Variants in CNTNAP2 observed in about 807,000 individuals in gnomAD.
CNTNAP2 encodes the protein contactin-associated protein-like 2.
In CNTNAP2, 98 loss-of-function variants were observed where a neutral mutation model predicts 155.2. The ratio of observed to expected loss-of-function variants is 0.63; its 90% confidence interval spans 0.54 to 0.75. The LOEUF (loss-of-function observed/expected upper bound fraction) is 0.75, where lower values mean the gene tolerates loss of function less well. CNTNAP2 is among the 30% of genes least tolerant of loss of function. CNTNAP2 has a pLI of 0.00. For missense variants in CNTNAP2, 1,727 were observed against 1,688.1 expected (o/e 1.02, Z -0.40); for synonymous variants, 651 against 631.2 (o/e 1.03, Z -0.47).
intron 13 of CNTNAP2, among the ~76,000 whole-genome samples, chr7:147,780,569 C>G (rs1488308633): frequency 6.6e-6 from 1 of 152,090 alleles, no homozygotes; most frequent in South Asian, 2.1e-4. Flanking sequence ...TTTGAATTAT[C>G]AAAATGACAT....
At chr7:147,403,512 A>G (rs889554805) in intron 10 of CNTNAP2, among the ~76,000 whole-genome samples, 17 of 152,180 alleles carry the variant, frequency 1.1e-4, no homozygotes, top group African/African-American at 4.1e-4. Flanking sequence ...GATCACACCA[A>G]CCAGCAGACA....
At chr7:146,638,293 T>A (rs925684788) in intron 1 of CNTNAP2, among the ~76,000 whole-genome samples, 13 of 152,064 alleles carry the variant, frequency 8.5e-5, no homozygotes, top group African/African-American at 3.1e-4. Flanking sequence ...TCCTTGAGGC[T>A]CTGACAAATG....
At chr7:146,186,088 T>A (rs1054373580) in intron 1 of CNTNAP2, among the ~76,000 whole-genome samples, 7 of 152,130 alleles carry the variant, frequency 4.6e-5, no homozygotes, top group African/African-American at 1.7e-4. Flanking sequence ...TTGTTAAGGA[T>A]TGTAATCACT....
chr7:146,964,703 G>T (rs1797621614), intron 3 of CNTNAP2, among the ~76,000 whole-genome samples: 1 of 152,094 alleles, frequency 6.6e-6, no homozygotes, highest in Non-Finnish European at 1.5e-5. Flanking sequence ...TACAGCAGGG[G>T]TTCACAAACT....
chr7:146,402,994 C>T (rs1795736546), intron 1 of CNTNAP2, among the ~76,000 whole-genome samples: 1 of 151,672 alleles, frequency 6.6e-6, no homozygotes, highest in African/African-American at 2.4e-5. Context: ...AAATTAATGA[C>T]CTAGTCACAC....
At chr7:148,314,887 C>T (rs537781531) in intron 21 of CNTNAP2, among the ~76,000 whole-genome samples, 43 of 152,234 alleles carry the variant, frequency 2.8e-4, no homozygotes, top group South Asian at 8.3e-4. Context: ...TGACCGGTGC[C>T]GGAGTTTTGG....
intron 13 of CNTNAP2, among the ~76,000 whole-genome samples, chr7:147,848,577 G>C (rs888975404): frequency 1.1e-4 from 17 of 151,964 alleles, no homozygotes; most frequent in Admixed American, 3.9e-4. Flanking sequence ...CACGCTGGGA[G>C]CTGTAGACCG....
At chr7:146,566,400 T>A (rs1798357070) in intron 1 of CNTNAP2, among the ~76,000 whole-genome samples, 1 of 152,208 alleles carries the variant, frequency 6.6e-6, no homozygotes, top group South Asian at 2.1e-4. Context: ...TCTCAAATTT[T>A]TAGACTTTTA....
intron 15 of CNTNAP2, among the ~76,000 whole-genome samples, chr7:147,981,696 A>G (rs953938796): frequency 6.6e-6 from 1 of 152,184 alleles, no homozygotes; most frequent in African/African-American, 2.4e-5. Flanking sequence ...ACTCAGACCC[A>G]TATAATCAAA....
At chr7:146,819,768 A>T (rs564851188) in intron 2 of CNTNAP2, among the ~76,000 whole-genome samples, 1 of 152,154 alleles carries the variant, frequency 6.6e-6, no homozygotes, top group African/African-American at 2.4e-5. Context: ...ATTGCTACTA[A>T]CTCACTTCAA....
intron 15 of CNTNAP2, among the ~76,000 whole-genome samples, chr7:148,036,727 A>G (rs1389176616): frequency 6.6e-6 from 1 of 152,178 alleles, no homozygotes; most frequent in Non-Finnish European, 1.5e-5. Flanking sequence ...TAATCATATA[A>G]TATATTAGCT....
chr7:148,334,168 G>A (rs1382420865), intron 21 of CNTNAP2, among the ~76,000 whole-genome samples: 2 of 152,180 alleles, frequency 1.3e-5, no homozygotes, highest in Non-Finnish European at 2.9e-5. Context: ...AGAGAGTCTA[G>A]TTTGATCTGA....
chr7:147,472,219 T>G (rs1798236528), intron 10 of CNTNAP2, among the ~76,000 whole-genome samples: 1 of 141,418 alleles, frequency 7.1e-6, no homozygotes, highest in African/African-American at 2.6e-5. Context: ...TTTTTTTTTT[T>G]TTTTTTTTTT....
chr7:147,164,360 T>C (rs927992126), intron 8 of CNTNAP2, among the ~76,000 whole-genome samples: 12 of 152,358 alleles, frequency 7.9e-5, no homozygotes, highest in Admixed American at 6.5e-4. Flanking sequence ...AACCAAGTAG[T>C]TAGGCTCTGC....
intron 1 of CNTNAP2, among the ~76,000 whole-genome samples, chr7:146,611,900 C>G (rs577011240): frequency 6.6e-6 from 1 of 152,146 alleles, no homozygotes; most frequent in African/African-American, 2.4e-5. Context: ...TTTGCAAAAT[C>G]ACATGCAGAC....
At chr7:146,847,294 G>A (rs1803860416) in intron 3 of CNTNAP2, among the ~76,000 whole-genome samples, 1 of 152,106 alleles carries the variant, frequency 6.6e-6, no homozygotes, top group Non-Finnish European at 1.5e-5. Flanking sequence ...TTATGTGCCT[G>A]GAGACGCCTG....
intron 1 of CNTNAP2, among the ~76,000 whole-genome samples, chr7:146,664,750 A>G (rs1016913739): frequency 2.0e-5 from 3 of 152,170 alleles, no homozygotes; most frequent in African/African-American, 7.2e-5. Flanking sequence ...AAAATTCACT[A>G]TTGAAGTCAT....
intron 5 of CNTNAP2, among the ~76,000 whole-genome samples, chr7:147,117,347 T>A (rs1242277311): frequency 1.3e-5 from 2 of 152,096 alleles, no homozygotes; most frequent in Non-Finnish European, 2.9e-5. Flanking sequence ...GAAGCATGGT[T>A]TCTTGGGGTC....
At chr7:146,809,123 AT>A (rs1163360350) in intron 2 of CNTNAP2, among the ~76,000 whole-genome samples, 1 of 152,086 alleles carries the variant, frequency 6.6e-6, no homozygotes, top group Non-Finnish European at 1.5e-5. Context: ...TCTATTTTTA[AT>A]TTTTTGAGGA....
Sources: gnomAD v4.1 joint callset for allele counts (sites outside exome capture counted in the v4.1 genomes callset) on GRCh38, gnomAD v4.1.1 for gene constraint, MANE v1.5 for transcripts, NCBI Gene and HGNC (gene_info 2026-07-23, HGNC 2026-07-21) for gene names.